The following TUBA4B variants were observed in gnomAD, a reference collection of about 807,000 sequenced individuals.
The protein encoded by TUBA4B is tubulin alpha 4b.
Under a neutral mutation model 18.4 loss-of-function variants are expected in TUBA4B, and 13 were observed. The observed-to-expected ratio is 0.71, with a 90% CI of 0.46 to 1.12. The LOEUF (loss-of-function observed/expected upper bound fraction) is 1.12. Ranked by LOEUF, TUBA4B falls within the 50% of genes most tolerant of loss-of-function variation. The probability of loss-of-function intolerance (pLI) is 0.00; values close to 1 mark genes in which losing one functional copy is unlikely to be tolerated. For synonymous variants in TUBA4B, 101 were observed against 99.1 expected (o/e 1.02, Z -0.11); for missense variants, 244 against 250.0 (o/e 0.98, Z 0.16).
chr2:219,262,160 A>T (rs1347996540), intron 1 of TUBA4B, among the ~76,000 whole-genome samples: 1 of 152,064 alleles, frequency 6.6e-6, no homozygotes, highest in Admixed American at 6.5e-5. Context: ...AAATACAAAA[A>T]ATTAGCCTGG....
At chr2:219,253,938 CGCCCTTATAG>C in intron 1 of TUBA4B, 1 of 1,140,836 alleles carries the variant, frequency 8.8e-7, no homozygotes, top group Non-Finnish European at 1.1e-6. Context: ...AGTGCCGCAC[CGCCCTTATAG>C]GCGGGGGGGG....
At chr2:219,262,322 AAAAAC>A (rs527615788) in intron 1 of TUBA4B, among the ~76,000 whole-genome samples, 3 of 152,152 alleles carry the variant, frequency 2.0e-5, no homozygotes, top group East Asian at 3.8e-4. Context: ...ACTCTGTCTC[AAAAAC>A]AAAACAAAAC....
chr2:219,254,813 T>C (rs1352044293), intron 1 of TUBA4B, among the ~76,000 whole-genome samples: 1 of 152,226 alleles, frequency 6.6e-6, no homozygotes, highest in Non-Finnish European at 1.5e-5. Context: ...GGAAACATTG[T>C]TGTAAGCTAT....
chr2:219,262,236 A>G (rs62191851), intron 1 of TUBA4B, among the ~76,000 whole-genome samples: 10,780 of 152,280 alleles, frequency 0.071, 435 homozygotes, highest in South Asian at 0.1. Flanking sequence ...GCGTGAACCC[A>G]GGAGGCAGAG....
intron 1 of TUBA4B, chr2:219,253,756 G>C: frequency 2.8e-6 from 4 of 1,422,524 alleles, no homozygotes; most frequent in Middle Eastern, 1.8e-4. Context: ...TGGAGACCCG[G>C]AACGCCCGGT....
At chr2:219,263,716 A>T (rs751832852) in intron 1 of TUBA4B, among the ~76,000 whole-genome samples, 3 of 152,180 alleles carry the variant, frequency 2.0e-5, no homozygotes, top group Admixed American at 6.5e-5. Flanking sequence ...TTGATATGTT[A>T]AGTGGCTGGG....
At chr2:219,256,313 A>G (rs1951719705) in intron 1 of TUBA4B, among the ~76,000 whole-genome samples, 1 of 152,246 alleles carries the variant, frequency 6.6e-6, no homozygotes, top group Non-Finnish European at 1.5e-5. Flanking sequence ...TGCATATAGC[A>G]CATCATGCTA....
rs1442255937 is a variant in TUBA4B at position 219,270,488 on chromosome 2, G to C, written c.192+153G>C. On this transcript the variant is annotated intron_variant, in intron 3 of 3. Transcript: ENST00000490341. ...GAGGAGAGGCCCTGCACTCTGATCG[G>C]GGGGCCAACTGTAGGTTCCAGCCTG... is the stretch of plus-strand genomic sequence containing the variant. Among the ~76,000 whole-genome samples the C allele has an allele frequency of 3.9e-5, 6 of 152,154 alleles. No homozygotes were observed. The South Asian group carries it at 1.0e-3, about 26-fold the overall frequency.
chr2:219,266,744 T>TG (rs1417431628), intron 2 of TUBA4B, among the ~76,000 whole-genome samples, 178 bp downstream of exon 2: 1 of 151,010 alleles, frequency 6.6e-6, no homozygotes, highest in African/African-American at 2.4e-5. Flanking sequence ...TGTGCAGGTG[T>TG]GGGGGGCATC....
intron 2 of TUBA4B, 75 bp downstream of exon 2, chr2:219,266,641 G>C: frequency 1.4e-6 from 1 of 694,444 alleles, no homozygotes; most frequent in Non-Finnish European, 2.6e-6. Flanking sequence ...CTGGCGTGAA[G>C]GTACCTTGGG....
In TUBA4B at chr2:219,271,495, C is replaced by A; in HGVS notation, c.522C>A (p.Val174=). 6.2e-7 allele frequency: 1 copy of A among 1,614,200 alleles called. No individual in the cohort carries two copies. The highest frequency in any genetic ancestry group is 8.5e-7 in the Non-Finnish European group (1 of 1,180,022). Residue 174 remains valine, a synonymous_variant, in exon 4 of 4, where the codon GTC becomes GTA. Coordinates refer to ENST00000490341, the MANE Select transcript of TUBA4B (RefSeq NM_001355221.1). ...TCAATCGCCTCATTAGCCAAATTGT[C>A]TCCTCCATCACAGCTTCTCTGCGCT... ...TNLNRLISQI[V]SSITASLRFD...
At chr2:219,269,178 C>G (rs1951809791) in intron 2 of TUBA4B, among the ~76,000 whole-genome samples, 7 of 152,038 alleles carry the variant, frequency 4.6e-5, no homozygotes, top group Admixed American at 4.6e-4. Flanking sequence ...TTGCATCTAT[C>G]TGCTTCCCCT....
chr2:219,271,569 T>C lies in TUBA4B; in HGVS notation c.596T>C (p.Val199Ala), dbSNP rs1951826363. 6.2e-7 allele frequency: 1 copy of C among 1,614,188 alleles called. No homozygotes were observed. Among genetic ancestry groups the C allele is most frequent in the Non-Finnish European group, 8.5e-7 (1 of 1,180,028 alleles). ...CTGACAGAGTTCCAGACCAACCTGG[T>C]GTCCTACCTCACATCCACTTCCCCC... is the stretch of plus-strand genomic sequence containing the variant. ...VDLTEFQTNL[V>A]SYLTSTSPWP... The change falls in exon 4 of 4, where the codon GTG becomes GCG. Residue 199 changes from valine to alanine, a missense_variant. Coordinates refer to ENST00000490341, the MANE Select transcript of TUBA4B (RefSeq NM_001355221.1).
intron 3 of TUBA4B, among the ~76,000 whole-genome samples, chr2:219,270,703 CAAA>C (rs1951819898): frequency 2.1e-5 from 3 of 145,794 alleles, no homozygotes; most frequent in African/African-American, 8.3e-5. Context: ...AATGTCAGCC[CAAA>C]GCCTCTGTGA....
At position 219,271,909 on chromosome 2, in the gene TUBA4B, C is replaced by G. The variant is rs1951830026; in HGVS notation, c.*210C>G. 1 of 1,430,898 alleles carries G rather than the reference C, an allele frequency of 7.0e-7. No individual in the cohort carries two copies. The highest frequency in any genetic ancestry group is 1.4e-5 in the African/African-American group (1 of 71,202). 88.6% of individuals were successfully genotyped at this position (1,430,898 alleles called of 1,614,324 possible). A position where few individuals can be genotyped will look rare whatever the true frequency, so the allele number is the denominator to read the frequency against. Reference sequence around the variant, plus strand: ...GAGTGACCTGGTAAAGTGCAACGTGCCATGTGCATGCTGAGCAACATGACA... The same window carrying G: ...GAGTGACCTGGTAAAGTGCAACGTGGCATGTGCATGCTGAGCAACATGACA... On this transcript the variant is annotated 3_prime_UTR_variant, in exon 4 of 4. Coordinates refer to ENST00000490341, the MANE Select transcript of TUBA4B (RefSeq NM_001355221.1).
At chr2:219,265,508 G>A (rs1951784590) in intron 1 of TUBA4B, among the ~76,000 whole-genome samples, 1 of 152,126 alleles carries the variant, frequency 6.6e-6, no homozygotes, top group Non-Finnish European at 1.5e-5. Context: ...CTGGTGGCAG[G>A]TGTCTGTAAT....
chr2:219,268,254 A>T (rs531161904), intron 2 of TUBA4B, among the ~76,000 whole-genome samples: 59 of 151,956 alleles, frequency 3.9e-4, no homozygotes, highest in African/African-American at 1.4e-3. Context: ...GATTATAAGC[A>T]TACACCATTT....
At chr2:219,271,093 A>T (rs1559282490) in intron 3 of TUBA4B, 73 bp from the exon 4 acceptor site, 3 of 631,692 alleles carry the variant, frequency 4.7e-6, no homozygotes, top group East Asian at 2.7e-5. Context: ...AATTTAAAAC[A>T]GCACAAGTTG....
chr2:219,267,658 G>A (rs996139443), intron 2 of TUBA4B, among the ~76,000 whole-genome samples: 1 of 151,246 alleles, frequency 6.6e-6, no homozygotes, highest in South Asian at 2.1e-4. Flanking sequence ...TCTGCCTCCC[G>A]GGTTCAAGCG....
Sources: allele counts gnomAD v4.1 joint callset (sites outside exome capture counted in the v4.1 genomes callset), GRCh38; gene constraint gnomAD v4.1.1; transcripts MANE v1.5; gene names NCBI Gene and HGNC (gene_info 2026-07-23, HGNC 2026-07-21).